The following MTRR variants were observed in gnomAD, a reference collection of about 807,000 sequenced individuals.
MTRR encodes 5-methyltetrahydrofolate-homocysteine methyltransferase reductase, also known as methionine synthase reductase.
A neutral mutation model predicts 79.2 loss-of-function variants in MTRR; 63 were observed. That is an observed-to-expected ratio of 0.80 (90% confidence interval 0.65 to 0.98). MTRR has a LOEUF of 0.98. Among genes scored for constraint, MTRR ranks in the 50% least tolerant of loss-of-function variants. MTRR has a pLI of 0.00. For missense variants in MTRR, 895 were observed against 839.6 expected, an observed-to-expected ratio of 1.07 and a Z score of -0.82; for synonymous variants, 355 against 313.3, an observed-to-expected ratio of 1.13 and a Z score of -1.41.
In MTRR at chr5:7,883,237, A is replaced by G. The variant is rs766083570; in HGVS notation, c.863A>G (p.Asp288Gly). The stretch of plus-strand genomic sequence containing the variant: ...AAGGCAGTTCAACTTACTACGAATG[A>G]TGCCATAAAAACCACTCTGCTGGTA... ...ISKAVQLTTNDAIKTTLLVEL... is the reference protein window; with the variant it reads ...ISKAVQLTTNGAIKTTLLVEL... The change falls in exon 6 of 15, where the codon GAT becomes GGT. Residue 288 changes from aspartate (D) to glycine (G), a missense_variant. Physicochemically the swap from Asp to Gly is moderately conservative, Grantham distance 94. Transcript: ENST00000440940. 1.6e-5 allele frequency: 26 copies of G among 1,614,126 alleles called. No individual in the cohort carries two copies. The highest frequency in any genetic ancestry group is 2.1e-5 in the Non-Finnish European group (25 of 1,180,038).
At chr5:7,872,252 T>C (rs1748122319) in intron 2 of MTRR, 1 of 454,652 alleles carries the variant, frequency 2.2e-6, no homozygotes, top group African/African-American at 2.0e-5. Flanking sequence ...GGTGAATTAT[T>C]TGGAGCCAAA....
In MTRR at chr5:7,891,368, C is replaced by G. The variant is rs747003266; in HGVS notation, c.1328-4C>G. On this transcript the variant is annotated splice_polypyrimidine_tract_variant and splice_region_variant and intron_variant, in intron 9 of 14. Transcript: ENST00000440940. ...AATAATTGCTTGTTTTTATTTTTTTCTAGAACATCTTCCTAAACTTCAACC... is the reference window on the plus strand; with the variant it reads ...AATAATTGCTTGTTTTTATTTTTTTGTAGAACATCTTCCTAAACTTCAACC... 6 of 1,335,760 alleles carry G rather than the reference C, an allele frequency of 4.5e-6. No homozygotes were observed. In the East Asian group the frequency reaches 1.9e-4, roughly 42 times the overall value. The allele number at this position is 1,335,760 out of a possible 1,614,324, so 82.7% of individuals were successfully genotyped here.
At chr5:7,866,843 G>A, upstream of MTRR, 1 of 1,614,050 alleles carries the variant, frequency 6.2e-7, no homozygotes, top group East Asian at 2.2e-5. Context: ...TTTCCCAAAT[G>A]GTTCCATTAA....
intron 14 of MTRR, among the ~76,000 whole-genome samples, chr5:7,898,255 A>G (rs753001421): frequency 3.9e-5 from 6 of 152,060 alleles, no homozygotes; most frequent in Non-Finnish European, 7.4e-5. Context: ...TGGCGAGGAC[A>G]GTGTCATCGG....
At chr5:7,883,043 T>C in intron 5 of MTRR, 112 bp from the exon 6 acceptor site, 1 of 1,395,106 alleles carries the variant, frequency 7.2e-7, no homozygotes, top group Non-Finnish European at 1.0e-6. Flanking sequence ...TGGAAATGAA[T>C]ACTGAGTAGC....
upstream of MTRR, chr5:7,868,342 A>G: frequency 2.4e-6 from 1 of 422,930 alleles, no homozygotes; most frequent in Non-Finnish European, 4.2e-6. Flanking sequence ...TAGGTATTCT[A>G]TTAACTTACA....
At chr5:7,850,930 A>T, upstream of MTRR, 5 of 1,357,518 alleles carry the variant, frequency 3.7e-6, no homozygotes, top group Non-Finnish European at 3.8e-6. Flanking sequence ...CCGCGGCGGG[A>T]TGTAGCTGAA....
intron 9 of MTRR, 74 bp from the exon 10 acceptor site, chr5:7,891,289 ATTTTTTTTT>A (rs71591748): frequency 8.2e-6 from 3 of 364,394 alleles, no homozygotes; most frequent in Admixed American, 4.5e-5. Flanking sequence ...AAGACATGGA[ATTTTTTTTT>A]TTTTTTTTTT....
chr5:7,886,894 A>G (rs1696179995), intron 8 of MTRR, among the ~76,000 whole-genome samples, 191 bp downstream of exon 8: 1 of 152,092 alleles, frequency 6.6e-6, no homozygotes, highest in African/African-American at 2.4e-5. Context: ...TTTATGTTGT[A>G]TTTGCATTTA....
chr5:7,879,462 CAAAAAAAAAA>C (rs35558077), intron 5 of MTRR, among the ~76,000 whole-genome samples: 2 of 88,576 alleles, frequency 2.3e-5, no homozygotes, highest in Non-Finnish European at 4.3e-5. Context: ...GACTCCGTCT[CAAAAAAAAAA>C]AAAAAAAAAA....
chr5:7,881,756 T>C (rs1235795556), intron 5 of MTRR, among the ~76,000 whole-genome samples: 2 of 151,696 alleles, frequency 1.3e-5, no homozygotes, highest in Non-Finnish European at 2.9e-5. Context: ...GCTTTTTGCA[T>C]TTTTTTTCAA....
At chr5:7,875,945 G>A (rs929042546) in intron 4 of MTRR, among the ~76,000 whole-genome samples, 2 of 152,140 alleles carry the variant, frequency 1.3e-5, no homozygotes, top group African/African-American at 2.4e-5. Flanking sequence ...CACCCATTGT[G>A]CCACCTTTCA....
intron 5 of MTRR, among the ~76,000 whole-genome samples, chr5:7,879,390 G>A (rs770187331): frequency 2.0e-5 from 3 of 150,214 alleles, no homozygotes. Flanking sequence ...TTTTTTCCGG[G>A]AGGCGGAGGT....
At chr5:7,895,645 T>C in intron 11 of MTRR, 89 bp from the exon 12 acceptor site, 1 of 1,539,018 alleles carries the variant, frequency 6.5e-7, no homozygotes, top group East Asian at 2.2e-5. Context: ...GAATTTTCCC[T>C]TTCTGATTTG....
intron 1 of MTRR, chr5:7,859,289 A>G: frequency 6.6e-6 from 3 of 452,550 alleles, no homozygotes; most frequent in Non-Finnish European, 1.2e-5. Flanking sequence ...AAATGTATAC[A>G]TAGTATAAGG....
chr5:7,883,199 A>G lies in MTRR; in HGVS notation c.825A>G (p.Gln275=), dbSNP rs1442075228. 6.2e-7 allele frequency: 1 copy of G among 1,614,262 alleles called. No individual in the cohort carries two copies. Among genetic ancestry groups the G allele is most frequent in the Non-Finnish European group, 8.5e-7 (1 of 1,180,034 alleles). Residue 275 remains glutamine, a synonymous_variant, in exon 6 of 15, where the codon CAA becomes CAG. Transcript: ENST00000440940. ...TGACTTCAGCAGATCCAGTTTTTCA[A>G]GTGCCAATTTCAAAGGCAGTTCAAC... is the stretch of plus-strand genomic sequence containing the variant. ...VSVTSADPVF[Q]VPISKAVQLT... is the part of the protein sequence containing the mutation.
At chr5:7,867,083 AG>A (rs1369014434), upstream of MTRR, 1 of 1,614,196 alleles carries the variant, frequency 6.2e-7, no homozygotes, top group East Asian at 2.2e-5. Context: ...GACTCTCCTA[AG>A]CTCCTCGTTA....
rs162049 is a variant in MTRR, at chr5:7,893,008, G to A, written c.1557+95G>A. The A allele has an allele frequency of 0.79, 1,070,147 of 1,360,854 alleles. 424,412 individuals carry two copies. The highest frequency in any genetic ancestry group is 0.87 in the African/African-American group (60,142 of 68,800). The allele number at this position is 1,360,854 out of a possible 1,614,324, so 84.3% of individuals were successfully genotyped here. On this transcript the variant is annotated intron_variant, in intron 11 of 14. Transcript: ENST00000440940. ...TGTCTCACCCACATCATTCATTACT[G>A]TCATAAGAAAATTTATGCTGTTCTT...
chr5:7,858,389 C>T (rs563685974), intron 1 of MTRR, among the ~76,000 whole-genome samples: 120 of 152,106 alleles, frequency 7.9e-4, no homozygotes, highest in South Asian at 5.4e-3. Flanking sequence ...CCCAAATGAG[C>T]GGCAAGGTCA....
Sources: gnomAD v4.1 joint callset for allele counts (sites outside exome capture counted in the v4.1 genomes callset) on GRCh38, gnomAD v4.1.1 for gene constraint, MANE v1.5 for transcripts, NCBI Gene and HGNC (gene_info 2026-07-23, HGNC 2026-07-21) for gene names.